GMDS: variants seen among roughly 807,000 people sequenced by gnomAD.
The protein encoded by GMDS is GDP-mannose 4,6 dehydratase.
Under a neutral mutation model 49.9 loss-of-function variants are expected in GMDS, and 20 were observed. The observed-to-expected ratio is 0.40, with a 90% CI of 0.28 to 0.58. The LOEUF (loss-of-function observed/expected upper bound fraction) is 0.58. Among genes scored for constraint, GMDS ranks in the 20% least tolerant of loss-of-function variants. The probability of loss-of-function intolerance (pLI) is 0.42; values close to 1 mark genes in which losing one functional copy is unlikely to be tolerated. For missense variants in GMDS, 362 were observed against 481.4 expected, an observed-to-expected ratio of 0.75 and a Z score of 2.32; for synonymous variants, 177 against 178.6, an observed-to-expected ratio of 0.99 and a Z score of 0.07.
At chr6:1,931,308 T>C (rs1762273611) in intron 6 of GMDS, among the ~76,000 whole-genome samples, 1 of 152,246 alleles carries the variant, frequency 6.6e-6, no homozygotes, top group Non-Finnish European at 1.5e-5. Flanking sequence ...ATAAGGGGAA[T>C]ATTTCTAAAT....
intron 7 of GMDS, among the ~76,000 whole-genome samples, chr6:1,790,450 A>G (rs1581185132): frequency 6.6e-6 from 1 of 152,226 alleles, no homozygotes; most frequent in African/African-American, 2.4e-5. Context: ...TCACACAGAA[A>G]GTGAAGTTGG....
At chr6:1,977,308 T>G (rs2476466) in intron 4 of GMDS, among the ~76,000 whole-genome samples, 151,371 of 152,348 alleles carry the variant, frequency 0.99, 75,204 homozygotes, top group East Asian at 1. Flanking sequence ...AACAGGCAAA[T>G]AAATGAGCCT....
intron 4 of GMDS, among the ~76,000 whole-genome samples, chr6:2,049,140 A>C (rs1770208579): frequency 6.6e-6 from 1 of 152,178 alleles, no homozygotes; most frequent in Non-Finnish European, 1.5e-5. Context: ...CAAAAGTAAA[A>C]ACTTCTGTTG....
At chr6:2,237,836 A>G (rs1417348670) in intron 1 of GMDS, among the ~76,000 whole-genome samples, 1 of 152,098 alleles carries the variant, frequency 6.6e-6, no homozygotes, top group Non-Finnish European at 1.5e-5. Flanking sequence ...AGTATCTTTA[A>G]CATTAGGAAA....
intron 4 of GMDS, among the ~76,000 whole-genome samples, chr6:2,098,548 A>G (rs921349757): frequency 1.3e-5 from 2 of 152,324 alleles, no homozygotes; most frequent in African/African-American, 2.4e-5. Flanking sequence ...AAAGGTAGAA[A>G]AAGTCTAATT....
At chr6:1,958,115 GTTT>G (rs35647807) in intron 6 of GMDS, among the ~76,000 whole-genome samples, 18 of 129,398 alleles carry the variant, frequency 1.4e-4, no homozygotes, top group Admixed American at 1.5e-4. Flanking sequence ...CTTAAAATAT[GTTT>G]TTTTTTTTTT....
intron 7 of GMDS, among the ~76,000 whole-genome samples, chr6:1,789,405 A>T (rs79270288): frequency 0.06 from 9,070 of 152,224 alleles, 887 homozygotes; most frequent in African/African-American, 0.21. Flanking sequence ...AATTACAGAG[A>T]CGCTCCTATT....
chr6:1,781,525 C>G (rs1175128082), intron 7 of GMDS, among the ~76,000 whole-genome samples: 1 of 152,224 alleles, frequency 6.6e-6, no homozygotes, highest in African/African-American at 2.4e-5. Context: ...AGCTTGAGTG[C>G]CTGCGTGTGA....
At chr6:1,943,013 G>A (rs1762891536) in intron 6 of GMDS, among the ~76,000 whole-genome samples, 1 of 152,150 alleles carries the variant, frequency 6.6e-6, no homozygotes, top group African/African-American at 2.4e-5. Flanking sequence ...ACTTCCAAAT[G>A]CAAATGCAAC....
At position 1,792,945 on chromosome 6, in the gene GMDS, G is replaced by A. The variant is rs565792976; in HGVS notation, c.772-50359C>T. On this transcript the variant is annotated intron_variant, in intron 7 of 10. Coordinates refer to ENST00000380815, the MANE Select transcript of GMDS (RefSeq NM_001500.4). ...TTTACAATCTCAAGAATTACATTCT[G>A]CTCTGGGAAATTTTCTTCACATATT... Among the ~76,000 whole-genome samples, 13 of 152,262 alleles carry A rather than the reference G, an allele frequency of 8.5e-5. No individual in the cohort carries two copies. The East Asian group carries it at 2.5e-3, about 29-fold the overall frequency.
chr6:1,705,832 G>A (rs183072989), intron 9 of GMDS, among the ~76,000 whole-genome samples: 10 of 152,282 alleles, frequency 6.6e-5, no homozygotes, highest in Admixed American at 2.0e-4. Flanking sequence ...GGGAGGGCAG[G>A]AATGACCATC....
chr6:1,688,004 A>G (rs894638214), intron 9 of GMDS, among the ~76,000 whole-genome samples: 1 of 152,206 alleles, frequency 6.6e-6, no homozygotes, highest in South Asian at 2.1e-4. Context: ...AAGTGCCACT[A>G]TCTTCACAAT....
intron 7 of GMDS, among the ~76,000 whole-genome samples, chr6:1,851,894 G>A (rs1175909482): frequency 4.6e-5 from 7 of 152,180 alleles, no homozygotes; most frequent in Non-Finnish European, 1.0e-4. Flanking sequence ...GACATCCGGA[G>A]CAGGCACACA....
At chr6:2,092,174 C>T (rs1016650462) in intron 4 of GMDS, among the ~76,000 whole-genome samples, 4 of 152,178 alleles carry the variant, frequency 2.6e-5, no homozygotes, top group Middle Eastern at 3.2e-3. Flanking sequence ...TGAACTGCTA[C>T]GACCGGTTAG....
chr6:1,683,628 T>C (rs1764872370), intron 9 of GMDS, among the ~76,000 whole-genome samples: 1 of 152,202 alleles, frequency 6.6e-6, no homozygotes, highest in African/African-American at 2.4e-5. Context: ...GGTTATTACA[T>C]AGAAATGACA....
intron 9 of GMDS, among the ~76,000 whole-genome samples, chr6:1,711,518 T>C (rs747261933): frequency 1.3e-5 from 2 of 152,196 alleles, no homozygotes; most frequent in Non-Finnish European, 2.9e-5. Flanking sequence ...ACAGCTCTGA[T>C]GATTACAGGC....
At chr6:1,992,752 T>C (rs1168361205) in intron 4 of GMDS, among the ~76,000 whole-genome samples, 1 of 152,230 alleles carries the variant, frequency 6.6e-6, no homozygotes, top group Non-Finnish European at 1.5e-5. Context: ...TCTTCAGTCA[T>C]GAATGTACTC....
At chr6:2,057,448 T>C (rs1770847059) in intron 4 of GMDS, among the ~76,000 whole-genome samples, 1 of 152,230 alleles carries the variant, frequency 6.6e-6, no homozygotes. Flanking sequence ...CCCAACTTCT[T>C]CTTTTTCCAA....
At chr6:1,820,102 T>C (rs904790808) in intron 7 of GMDS, among the ~76,000 whole-genome samples, 1 of 152,114 alleles carries the variant, frequency 6.6e-6, no homozygotes, top group Non-Finnish European at 1.5e-5. Flanking sequence ...TTATAGTTTA[T>C]AAATACATAT....
Sources: gnomAD v4.1 joint callset for allele counts (sites outside exome capture counted in the v4.1 genomes callset) on GRCh38, gnomAD v4.1.1 for gene constraint, MANE v1.5 for transcripts, NCBI Gene and HGNC (gene_info 2026-07-23, HGNC 2026-07-21) for gene names.